RBFOX1: variants seen among roughly 807,000 people sequenced by gnomAD.
RBFOX1 encodes the protein RNA binding protein fox-1 homolog 1.
RBFOX1 carries 8 observed loss-of-function variants against 57.7 expected under a neutral mutation model. That is an observed-to-expected ratio of 0.14 (90% CI 0.08 to 0.25). RBFOX1 has a LOEUF of 0.25. Among genes scored for constraint, RBFOX1 ranks in the 10% least tolerant of loss-of-function variants. RBFOX1 has a pLI of 1.00. For missense variants in RBFOX1, 611 were observed against 548.5 expected, an observed-to-expected ratio of 1.11 and a Z score of -1.14; for synonymous variants, 326 against 222.4, an observed-to-expected ratio of 1.47 and a Z score of -4.15.
At chr16:6,991,508 C>T (rs565907195) in intron 3 of RBFOX1, among the ~76,000 whole-genome samples, 8 of 152,138 alleles carry the variant, frequency 5.3e-5, no homozygotes, top group Non-Finnish European at 1.0e-4. Flanking sequence ...TGATTATTAT[C>T]ATCAACCCAC....
intron 4 of RBFOX1, among the ~76,000 whole-genome samples, chr16:5,931,339 G>C (rs1191243567): frequency 2.0e-5 from 3 of 152,124 alleles, no homozygotes; most frequent in Non-Finnish European, 2.9e-5. Flanking sequence ...GCGGGGAAAG[G>C]GGACTGAATT....
At chr16:6,478,291 C>G (rs1336475053) in intron 2 of RBFOX1, among the ~76,000 whole-genome samples, 2 of 141,174 alleles carry the variant, frequency 1.4e-5, no homozygotes, top group African/African-American at 2.7e-5. Flanking sequence ...GGCGTGATCT[C>G]AGCTTACTGC....
intron 4 of RBFOX1, among the ~76,000 whole-genome samples, chr16:7,290,683 A>C (rs895384251): frequency 6.6e-6 from 1 of 152,246 alleles, no homozygotes; most frequent in South Asian, 2.1e-4. Context: ...GGTGGTGAGC[A>C]TGCAACATTA....
At chr16:5,366,628 T>C (rs2065723834) in intron 1 of RBFOX1, 1 of 412,970 alleles carries the variant, frequency 2.4e-6, no homozygotes, top group Non-Finnish European at 4.6e-6. Context: ...TGTGAAGAAT[T>C]GCTTCTGGAT....
intron 1 of RBFOX1, among the ~76,000 whole-genome samples, chr16:5,433,047 C>T (rs1458466062): frequency 6.6e-6 from 1 of 152,150 alleles, no homozygotes; most frequent in African/African-American, 2.4e-5. Context: ...ATGTTTATTA[C>T]ATGGATGGAT....
chr16:6,574,549 C>G (rs2097397226), intron 2 of RBFOX1, among the ~76,000 whole-genome samples: 1 of 150,046 alleles, frequency 6.7e-6, no homozygotes, highest in Non-Finnish European at 1.5e-5. Flanking sequence ...CTGCCTCAGC[C>G]TCCCAAGTAG....
At chr16:7,117,449 T>C (rs1016094391) in intron 4 of RBFOX1, among the ~76,000 whole-genome samples, 1 of 152,168 alleles carries the variant, frequency 6.6e-6, no homozygotes, top group African/African-American at 2.4e-5. Context: ...ATCATGTAAG[T>C]TGGAATTCTA....
intron 4 of RBFOX1, among the ~76,000 whole-genome samples, chr16:7,139,168 A>ATCTCTCTC (rs144266030): frequency 5.7e-5 from 8 of 139,402 alleles, no homozygotes; most frequent in South Asian, 2.4e-4. Context: ...GATGAAATCA[A>ATCTCTCTC]TCTCTCTCTG....
At chr16:6,981,929 G>A (rs2089005081) in intron 3 of RBFOX1, among the ~76,000 whole-genome samples, 1 of 152,052 alleles carries the variant, frequency 6.6e-6, no homozygotes. Flanking sequence ...CGCATGCATG[G>A]GTCTTTGTAT....
chr16:6,268,813 TC>T (rs1433054368), intron 1 of RBFOX1, among the ~76,000 whole-genome samples: 3 of 152,176 alleles, frequency 2.0e-5, no homozygotes, highest in Admixed American at 6.5e-5. Context: ...AAACATTTTT[TC>T]CCTGTTCCTC....
At chr16:6,872,387 T>C (rs1320953635) in intron 3 of RBFOX1, among the ~76,000 whole-genome samples, 3 of 152,194 alleles carry the variant, frequency 2.0e-5, no homozygotes, top group African/African-American at 7.2e-5. Context: ...AGCTTTACTA[T>C]GACCATAGCT....
intron 3 of RBFOX1, among the ~76,000 whole-genome samples, chr16:6,671,975 A>T (rs1415665111): frequency 6.6e-6 from 1 of 152,238 alleles, no homozygotes; most frequent in Non-Finnish European, 1.5e-5. Context: ...ACAATATCGA[A>T]CAGCTGATTT....
intron 1 of RBFOX1, among the ~76,000 whole-genome samples, chr16:5,323,962 C>T: frequency 6.6e-6 from 1 of 152,214 alleles, no homozygotes; most frequent in South Asian, 2.1e-4. Flanking sequence ...GGTGAGCTGT[C>T]ATATTACACG....
intron 1 of RBFOX1, among the ~76,000 whole-genome samples, chr16:6,246,188 G>C (rs12445734): frequency 0.23 from 34,585 of 151,964 alleles, 5,197 homozygotes; most frequent in African/African-American, 0.43. Flanking sequence ...TGCATGACTC[G>C]TGAAGTAAGG....
chr16:6,087,858 G>C (rs1460663585), intron 1 of RBFOX1, among the ~76,000 whole-genome samples: 1 of 151,910 alleles, frequency 6.6e-6, no homozygotes, highest in Non-Finnish European at 1.5e-5. Flanking sequence ...TCCCCATGGT[G>C]GCCAGAATGG....
chr16:5,652,316 A>G (rs2049268180), intron 3 of RBFOX1, among the ~76,000 whole-genome samples: 2 of 152,312 alleles, frequency 1.3e-5, no homozygotes, highest in South Asian at 4.2e-4. Flanking sequence ...GGGAAAGCTG[A>G]AGCTCACTAA....
chr16:7,311,594 T>C (rs2096310824), intron 4 of RBFOX1, among the ~76,000 whole-genome samples: 1 of 151,266 alleles, frequency 6.6e-6, no homozygotes, highest in South Asian at 2.1e-4. Flanking sequence ...ATAGATCAGC[T>C]TCCTCTTGCT....
chr16:5,269,906 G>A (rs1407705523), intron 1 of RBFOX1, among the ~76,000 whole-genome samples: 3 of 152,208 alleles, frequency 2.0e-5, no homozygotes, highest in Non-Finnish European at 4.4e-5. Flanking sequence ...TGAAATCCCA[G>A]TGCTTTGGGA....
chr16:7,168,317 C>G (rs1384099636), intron 4 of RBFOX1, among the ~76,000 whole-genome samples: 1 of 152,096 alleles, frequency 6.6e-6, no homozygotes, highest in East Asian at 1.9e-4. Flanking sequence ...TGTTTTGCAG[C>G]TGAGACATAA....
Sources: gnomAD v4.1 joint callset for allele counts (sites outside exome capture counted in the v4.1 genomes callset) on GRCh38, gnomAD v4.1.1 for gene constraint, MANE v1.5 for transcripts, NCBI Gene and HGNC (gene_info 2026-07-23, HGNC 2026-07-21) for gene names.